The following PLCL2 variants were observed in gnomAD, a reference collection of about 807,000 sequenced individuals.
The protein encoded by PLCL2 is phospholipase C like 2.
In PLCL2, 4 loss-of-function variants were observed where a neutral mutation model predicts 79.6. That is an observed-to-expected ratio of 0.05 (90% CI 0.02 to 0.11). PLCL2 has a LOEUF of 0.11. Among genes scored for constraint, PLCL2 ranks in the 10% least tolerant of loss-of-function variants. The probability of loss-of-function intolerance (pLI) is 1.00; values close to 1 mark genes in which losing one functional copy is unlikely to be tolerated. For missense variants in PLCL2, 895 were observed against 1,291.0 expected, an observed-to-expected ratio of 0.69 and a Z score of 4.70; for synonymous variants, 484 against 457.7, an observed-to-expected ratio of 1.06 and a Z score of -0.73.
At chr3:16,979,793 C>G (rs868669133) in intron 1 of PLCL2, among the ~76,000 whole-genome samples, 46 of 149,548 alleles carry the variant, frequency 3.1e-4, no homozygotes, top group Admixed American at 2.1e-3. Flanking sequence ...CACCTTTCCC[C>G]CCTTTCTATT....
At chr3:16,892,651 A>G (rs192168612) in intron 1 of PLCL2, among the ~76,000 whole-genome samples, 1 of 152,346 alleles carries the variant, frequency 6.6e-6, no homozygotes, top group Admixed American at 6.5e-5. Flanking sequence ...GCGATCTCTA[A>G]TTCCTCAGCA....
intron 4 of PLCL2, among the ~76,000 whole-genome samples, chr3:17,065,959 G>A (rs769422598): frequency 5.3e-5 from 8 of 152,134 alleles, no homozygotes; most frequent in Non-Finnish European, 8.8e-5. Flanking sequence ...AACATAATGA[G>A]TATTAATTAT....
chr3:17,005,265 C>T (rs2064249960), intron 1 of PLCL2, among the ~76,000 whole-genome samples: 1 of 152,158 alleles, frequency 6.6e-6, no homozygotes, highest in African/African-American at 2.4e-5. Flanking sequence ...ACTGCAGCTC[C>T]ACAACTTGGT....
chr3:16,923,247 T>A (rs1038400335), intron 1 of PLCL2, among the ~76,000 whole-genome samples: 3 of 152,160 alleles, frequency 2.0e-5, no homozygotes, highest in Admixed American at 1.3e-4. Flanking sequence ...TTCACCACCC[T>A]GGTGATTTGA....
At chr3:16,907,028 G>A (rs549353659) in intron 1 of PLCL2, among the ~76,000 whole-genome samples, 2 of 152,148 alleles carry the variant, frequency 1.3e-5, no homozygotes, top group Non-Finnish European at 2.9e-5. Context: ...TAGCAACTCA[G>A]ATAAATTATT....
Position 16,886,124 on chromosome 3 carries a change from T to C in PLCL2, c.327+758T>C, listed in dbSNP as rs1559475481. Among the ~76,000 whole-genome samples the C allele has an allele frequency of 6.6e-6, 1 of 152,308 alleles. No individual in the cohort carries two copies. Among genetic ancestry groups the C allele is most frequent in the East Asian group, 1.9e-4 (1 of 5,180 alleles). On this transcript the variant is annotated intron_variant, in intron 1 of 5. Coordinates refer to ENST00000615277, the MANE Select transcript of PLCL2 (RefSeq NM_001144382.2). This position sits in a 1 kb window ranked among gnomAD's most constrained non-coding sequence, Gnocchi z 4.2. Reference sequence around the variant, plus strand: ...TGAGCATTTTAAACTCAAGAAGTAATATTAGGAACTCCCGAGTTTGTGTTA... The same window carrying C: ...TGAGCATTTTAAACTCAAGAAGTAACATTAGGAACTCCCGAGTTTGTGTTA...
At position 17,012,010 on chromosome 3, in the gene PLCL2, G is replaced by A. The variant is rs777154998; in HGVS notation, c.2664G>A (p.Lys888=). The A allele has an allele frequency of 4.3e-6, 7 of 1,614,160 alleles. No individual in the cohort carries two copies. The Admixed American group carries it at 6.7e-5, about 15-fold the overall frequency. Residue 888 remains lysine, a synonymous_variant, in exon 2 of 6, where the codon AAG becomes AAA. Coordinates refer to ENST00000615277, the MANE Select transcript of PLCL2 (RefSeq NM_001144382.2). ...VAITNRRGGG[K]PHKRGLSVRK... ...TTACTAACCGAAGAGGAGGAGGAAA[G>A]CCTCATAAAAGGGGCCTTTCTGTGA...
chr3:17,004,921 T>C (rs1014904052), intron 1 of PLCL2, among the ~76,000 whole-genome samples: 1 of 152,172 alleles, frequency 6.6e-6, no homozygotes, highest in Non-Finnish European at 1.5e-5. Context: ...ATTAAATAAC[T>C]TGATTCAAGC....
intron 1 of PLCL2, among the ~76,000 whole-genome samples, chr3:16,985,711 T>A (rs1417996027): frequency 1.4e-4 from 21 of 152,132 alleles, no homozygotes; most frequent in Admixed American, 1.4e-3. Flanking sequence ...TCCTAGGAGA[T>A]CACCTTTCAC....
At chr3:16,980,106 A>G in intron 1 of PLCL2, among the ~76,000 whole-genome samples, 1 of 2,730 alleles carries the variant, frequency 3.7e-4, no homozygotes, top group Non-Finnish European at 8.5e-4. Context: ...TGACCACCCC[A>G]CCTCCCTCCC....
At chr3:16,971,632 C>A (rs1297652511) in intron 1 of PLCL2, among the ~76,000 whole-genome samples, 3 of 152,116 alleles carry the variant, frequency 2.0e-5, no homozygotes, top group African/African-American at 7.2e-5. Context: ...CTATAAATTA[C>A]CTTGGGCGAT....
intron 4 of PLCL2, among the ~76,000 whole-genome samples, chr3:17,060,424 A>G (rs549706826): frequency 6.6e-6 from 1 of 152,342 alleles, no homozygotes; most frequent in South Asian, 2.1e-4. Context: ...GTTAATGCCC[A>G]GATTGTTTGG....
intron 1 of PLCL2, among the ~76,000 whole-genome samples, chr3:16,907,188 C>T (rs1244318955): frequency 9.0e-6 from 1 of 111,680 alleles, no homozygotes; most frequent in Non-Finnish European, 1.8e-5. Context: ...ACTTATACCT[C>T]AAAATTTGTC....
intron 3 of PLCL2, among the ~76,000 whole-genome samples, chr3:17,016,841 T>C (rs2064390244): frequency 6.6e-6 from 1 of 152,230 alleles, no homozygotes; most frequent in Non-Finnish European, 1.5e-5. Context: ...CAAAATCTAA[T>C]ATGATTTACC....
Position 17,089,718 on chromosome 3 carries a change from C to A in PLCL2, c.3205-15C>A, listed in dbSNP as rs9822682. The A allele has an allele frequency of 0.11, 169,536 of 1,474,592 alleles. 11,883 individuals are homozygous for A. The highest frequency in any genetic ancestry group is 0.32 in the African/African-American group (23,044 of 71,866). 91.3% of individuals were successfully genotyped at this position (1,474,592 alleles called of 1,614,324 possible). On this transcript the variant is annotated splice_polypyrimidine_tract_variant and intron_variant, in intron 5 of 5. Transcript: ENST00000615277. ...TGTCATATCTAATACTGTTTAATTG[C>A]ATGTTTTGTTATAGGGACAAGCAGA...
intron 1 of PLCL2, among the ~76,000 whole-genome samples, chr3:16,909,178 A>G (rs1330701774): frequency 6.6e-6 from 1 of 152,254 alleles, no homozygotes; most frequent in Non-Finnish European, 1.5e-5. Flanking sequence ...TAGTACATTT[A>G]AAATATTTGA....
chr3:16,991,661 G>T (rs1405649571), intron 1 of PLCL2, among the ~76,000 whole-genome samples: 1 of 152,136 alleles, frequency 6.6e-6, no homozygotes, highest in East Asian at 1.9e-4. Context: ...CATGGAGAGG[G>T]TTGGTTTTCC....
chr3:16,966,927 C>G (rs1393245091), intron 1 of PLCL2, among the ~76,000 whole-genome samples: 1 of 152,078 alleles, frequency 6.6e-6, no homozygotes, highest in African/African-American at 2.4e-5. Flanking sequence ...TCCTCCCACC[C>G]TCCACCCTGA....
At chr3:16,949,731 C>A (rs965706432) in intron 1 of PLCL2, among the ~76,000 whole-genome samples, 1 of 152,152 alleles carries the variant, frequency 6.6e-6, no homozygotes, top group Non-Finnish European at 1.5e-5. Context: ...TCATTTCTCA[C>A]TGGGGCACGC....
Sources: allele counts gnomAD v4.1 joint callset (sites outside exome capture counted in the v4.1 genomes callset), GRCh38; gene constraint gnomAD v4.1.1; non-coding constraint Gnocchi (gnomAD v3.1); transcripts MANE v1.5; gene names NCBI Gene and HGNC (gene_info 2026-07-23, HGNC 2026-07-21).